CTCF: variants seen among roughly 807,000 people sequenced by gnomAD.
CTCF encodes CCCTC-binding factor.
Under a neutral mutation model 72.3 loss-of-function variants are expected in CTCF, and 7 were observed. The ratio of observed to expected loss-of-function variants is 0.10; its 90% confidence interval spans 0.06 to 0.18. The LOEUF (loss-of-function observed/expected upper bound fraction) is 0.18. Among genes scored for constraint, CTCF ranks in the 10% least tolerant of loss-of-function variants. The probability of loss-of-function intolerance (pLI) is 1.00; values close to 1 mark genes in which losing one functional copy is unlikely to be tolerated. For synonymous variants in CTCF, 374 were observed against 315.8 expected, an observed-to-expected ratio of 1.18 and a Z score of -1.95; for missense variants, 516 against 949.1, an observed-to-expected ratio of 0.54 and a Z score of 6.00.
chr16:67,573,277 CAATT>C lies in CTCF; in HGVS notation c.-10+2015_-10+2018del, dbSNP rs572245531. 6.9e-4 allele frequency among the ~76,000 whole-genome samples: 103 copies of C among 149,234 alleles called. 1 individual carries two copies. In the South Asian group the frequency reaches 0.012, roughly 17 times the overall value. On this transcript the variant is annotated intron_variant, in intron 2 of 11. Coordinates refer to ENST00000264010, the MANE Select transcript of CTCF (RefSeq NM_006565.4). Reference sequence around the variant, plus strand: ...AACAACAAAAAAAACCCCAAGAAGACAATTAGCTGGGTGTGGTGGTGCGTGCCTG... The same window carrying C: ...AACAACAAAAAAAACCCCAAGAAGACAGCTGGGTGTGGTGGTGCGTGCCTG...
chr16:67,603,405 T>C (rs1469130693), intron 2 of CTCF, among the ~76,000 whole-genome samples: 1 of 151,210 alleles, frequency 6.6e-6, no homozygotes, highest in Non-Finnish European at 1.5e-5. Flanking sequence ...TGCTGGTGGG[T>C]GCCTGTAGTC....
At chr16:67,601,294 CGTGTGTGT>C (rs58241150) in intron 2 of CTCF, among the ~76,000 whole-genome samples, 1,176 of 98,670 alleles carry the variant, frequency 0.012, 25 homozygotes, top group African/African-American at 0.034. Flanking sequence ...ACTCTGTCAC[CGTGTGTGT>C]GTGTGTGTGT....
intron 2 of CTCF, among the ~76,000 whole-genome samples, chr16:67,577,892 C>T (rs908721911): frequency 2.0e-5 from 3 of 152,238 alleles, no homozygotes; most frequent in Admixed American, 1.3e-4. Context: ...TTGCAGTGAT[C>T]CTCACTTAAA....
At chr16:67,603,990 G>T (rs1267258635) in intron 2 of CTCF, among the ~76,000 whole-genome samples, 1 of 149,698 alleles carries the variant, frequency 6.7e-6, no homozygotes, top group Non-Finnish European at 1.5e-5. Context: ...AATTAGCCTG[G>T]TGCCTGGTAT....
intron 4 of CTCF, chr16:67,614,866 G>A (rs1414451876): frequency 6.6e-6 from 1 of 152,338 alleles, no homozygotes; most frequent in Non-Finnish European, 1.5e-5. Flanking sequence ...GCCAGGCATG[G>A]TGGCCCATGC....
At chr16:67,636,609 A>G in intron 10 of CTCF, 81 bp from the exon 11 acceptor site, 1 of 771,072 alleles carries the variant, frequency 1.3e-6, no homozygotes, top group Non-Finnish European at 1.8e-6. Context: ...CAAGACTTCA[A>G]ATAATATATA....
chr16:67,636,681 C>T lies in CTCF; in HGVS notation c.1838-9C>T. 1.3e-6 allele frequency: 2 copies of T among 1,582,430 alleles called. No individual in the cohort carries two copies. Among genetic ancestry groups the T allele is most frequent in the African/African-American group, 1.4e-5 (1 of 73,890 alleles). On this transcript the variant is annotated splice_polypyrimidine_tract_variant and intron_variant, in intron 10 of 11. Coordinates refer to ENST00000264010, the MANE Select transcript of CTCF (RefSeq NM_006565.4). The stretch of plus-strand genomic sequence containing the variant: ...CCCCACCACCTGTGCTTCCTGATTT[C>T]ATGAAAAGAAAATGCTGAACCAGAT...
chr16:67,603,276 A>G (rs980837894), intron 2 of CTCF, among the ~76,000 whole-genome samples: 3 of 152,118 alleles, frequency 2.0e-5, no homozygotes, highest in African/African-American at 7.2e-5. Flanking sequence ...CACACCTGTA[A>G]TCCCAGCACT....
At chr16:67,611,888 G>T in intron 3 of CTCF, 63 bp from the exon 4 acceptor site, 2 of 1,415,374 alleles carry the variant, frequency 1.4e-6, no homozygotes, top group Non-Finnish European at 2.0e-6. Flanking sequence ...AGAAATTTAA[G>T]ATTAGGATTA....
At chr16:67,577,800 G>T (rs1301517497) in intron 2 of CTCF, among the ~76,000 whole-genome samples, 1 of 152,128 alleles carries the variant, frequency 6.6e-6, no homozygotes, top group African/African-American at 2.4e-5. Flanking sequence ...TTATAGAAGT[G>T]CAGCCAGGAG....
chr16:67,624,948 G>A (rs550450949), intron 7 of CTCF, among the ~76,000 whole-genome samples: 47 of 151,596 alleles, frequency 3.1e-4, no homozygotes, highest in African/African-American at 9.7e-4. Context: ...TGTGAGAGAC[G>A]GAGTTTCACT....
At position 67,628,517 on chromosome 16, in the gene CTCF, G is replaced by C; in HGVS notation, c.1666G>C (p.Val556Leu). 1 of 1,614,220 alleles carries C rather than the reference G, an allele frequency of 6.2e-7. No homozygotes were observed. The highest frequency in any genetic ancestry group is 8.5e-7 in the Non-Finnish European group (1 of 1,180,046). ...CCCCAACTTCGTCCCTGCGGCTTTT[G>C]TCTGTTCTAAGTGTGGGAAAACATT... ...HDPNFVPAAF[V>L]CSKCGKTFTR... is the part of the protein sequence containing the mutation. The change falls in exon 9 of 12, where the codon GTC (valine) becomes CTC (leucine). Residue 556 changes from valine (V) to leucine (L), a missense_variant. Transcript: ENST00000264010.
chr16:67,630,652 G>A (rs1341205028), intron 10 of CTCF, among the ~76,000 whole-genome samples: 1 of 152,152 alleles, frequency 6.6e-6, no homozygotes, highest in Middle Eastern at 3.2e-3. Context: ...CTACTCGAGA[G>A]GCTGAGGTGG....
intron 2 of CTCF, among the ~76,000 whole-genome samples, chr16:67,592,361 G>C (rs1351728692): frequency 1.3e-5 from 2 of 151,874 alleles, no homozygotes; most frequent in Non-Finnish European, 1.5e-5. Flanking sequence ...GCAGTGGCCG[G>C]GATTGTGCCA....
chr16:67,591,875 AT>A (rs906245365), intron 2 of CTCF, among the ~76,000 whole-genome samples: 2 of 149,962 alleles, frequency 1.3e-5, no homozygotes, highest in Non-Finnish European at 1.5e-5. Flanking sequence ...TACCTAGCTA[AT>A]TTTTTTTTTA....
chr16:67,629,636 C>T, intron 10 of CTCF, 103 bp downstream of exon 10: 1 of 1,118,628 alleles, frequency 8.9e-7, no homozygotes, highest in South Asian at 2.0e-5. Context: ...CGGGCACACA[C>T]TCTTCCTTTC....
intron 2 of CTCF, among the ~76,000 whole-genome samples, chr16:67,579,632 T>TC (rs1224760230): frequency 1.3e-5 from 2 of 152,146 alleles, no homozygotes; most frequent in East Asian, 3.9e-4. Flanking sequence ...TGCCCTGGCC[T>TC]CCCAACTGCC....
At chr16:67,604,645 A>G (rs2051945035) in intron 2 of CTCF, among the ~76,000 whole-genome samples, 4 of 151,772 alleles carry the variant, frequency 2.6e-5, no homozygotes, top group African/African-American at 9.7e-5. Context: ...CCGGCCAACA[A>G]TTTTTTAAAT....
chr16:67,619,239 C>T (rs1195442548), intron 5 of CTCF, among the ~76,000 whole-genome samples: 2 of 152,070 alleles, frequency 1.3e-5, no homozygotes, highest in Non-Finnish European at 2.9e-5. Flanking sequence ...AGTTTGAGAC[C>T]AGCCGGGCCA....
Sources: gnomAD v4.1 joint callset for allele counts (sites outside exome capture counted in the v4.1 genomes callset) on GRCh38, gnomAD v4.1.1 for gene constraint, MANE v1.5 for transcripts, NCBI Gene and HGNC (gene_info 2026-07-23, HGNC 2026-07-21) for gene names.